The following CCND2 variants were observed in gnomAD, a reference collection of about 807,000 sequenced individuals.
CCND2 encodes the protein cyclin D2, also known as G1/S-specific cyclin-D2.
A neutral mutation model predicts 30.2 loss-of-function variants in CCND2; 6 were observed. The observed-to-expected ratio is 0.20, with a 90% CI of 0.11 to 0.39. CCND2 has a LOEUF of 0.39. Ranked by LOEUF, CCND2 falls within the 10% of genes least tolerant of loss-of-function variation. The pLI, the probability that CCND2 is intolerant of heterozygous loss-of-function variation, is 1.00. For missense variants in CCND2, 235 were observed against 373.4 expected, an observed-to-expected ratio of 0.63 and a Z score of 3.06; for synonymous variants, 150 against 153.1, an observed-to-expected ratio of 0.98 and a Z score of 0.15.
Position 4,282,902 on chromosome 12 carries a change from G to C in CCND2, c.571+3983G>C, listed in dbSNP as rs1273517430. Among the ~76,000 whole-genome samples the C allele has an allele frequency of 6.6e-6, 1 of 152,200 alleles. No homozygotes were observed. The highest frequency in any genetic ancestry group is 2.4e-5 in the African/African-American group (1 of 41,446). On this transcript the variant is annotated intron_variant, in intron 3 of 4. Coordinates refer to ENST00000261254, the MANE Select transcript of CCND2 (RefSeq NM_001759.4). This position sits in a 1 kb window ranked among gnomAD's most constrained non-coding sequence, Gnocchi z 4.3. ...GTGAACACTCTGGTTCTGGCCCTTT[G>C]AACTTCCACCTGACTGCAGGTTGGA...
Position 4,287,954 on chromosome 12 carries a change from T to C in CCND2, c.572-888T>C, listed in dbSNP as rs1158934210. Among the ~76,000 whole-genome samples the C allele has an allele frequency of 6.6e-6, 1 of 152,248 alleles. No homozygotes were observed. The highest frequency in any genetic ancestry group is 1.5e-5 in the Non-Finnish European group (1 of 68,040). The stretch of plus-strand genomic sequence containing the variant: ...AAGCCCCTCTGATTTATTATCCTCA[T>C]TCTGCACTTCCCTGTAGCAAGTCAC... On this transcript the variant is annotated intron_variant, in intron 3 of 4. Coordinates refer to ENST00000261254, the MANE Select transcript of CCND2 (RefSeq NM_001759.4). The surrounding 1 kb of genome is among the most constrained non-coding windows in gnomAD (Gnocchi z 4.0).
In CCND2 at chr12:4,299,485, C is replaced by T. The variant is rs1416678992; in HGVS notation, c.721-375C>T. Among the ~76,000 whole-genome samples, 4 of 152,170 alleles carry T rather than the reference C, an allele frequency of 2.6e-5. No homozygotes were observed. In the East Asian group the frequency reaches 7.7e-4, roughly 29 times the overall value. ...CCTTTTCTCTGCCACTTCCCAGCTT[C>T]CCCAGGCAGAAAGCATCTGGTCGGC... On this transcript the variant is annotated intron_variant, in intron 4 of 4. Coordinates refer to ENST00000261254, the MANE Select transcript of CCND2 (RefSeq NM_001759.4). This position sits in a 1 kb window ranked among gnomAD's most constrained non-coding sequence, Gnocchi z 5.2.
Position 4,273,801 on chromosome 12 carries a change from T to G in CCND2, c.-240T>G. The G allele has an allele frequency of 1.7e-6, 1 of 581,170 alleles. No individual in the cohort carries two copies. Among genetic ancestry groups the G allele is most frequent in the Non-Finnish European group, 3.1e-6 (1 of 326,998 alleles). The allele number at this position is 581,170 out of a possible 1,614,324, so 36.0% of individuals were successfully genotyped here. On this transcript the variant is annotated 5_prime_UTR_variant, in exon 1 of 5. Transcript: ENST00000261254. This position sits in a 1 kb window ranked among gnomAD's most constrained non-coding sequence, Gnocchi z 5.9. ...CGAGCAGGGGAGAGCGAGACCAGTT[T>G]TAAGGGGAGGACCGGTGCGAGTGAG...
chr12:4,280,112 A>G (rs1591645303), intron 3 of CCND2, among the ~76,000 whole-genome samples: 2 of 152,126 alleles, frequency 1.3e-5, no homozygotes, highest in African/African-American at 2.4e-5. Context: ...GCCTATTGAT[A>G]CATCATCCTA....
chr12:4,296,660 T>C (rs1864173658), intron 4 of CCND2, among the ~76,000 whole-genome samples: 1 of 151,130 alleles, frequency 6.6e-6, no homozygotes, highest in African/African-American at 2.4e-5. Context: ...AGTCACTGCC[T>C]CTATGGTATG....
rs371866493 is a variant in CCND2 at position 4,274,290 on chromosome 12, C to T, written c.195+55C>T. The T allele has an allele frequency of 1.9e-4, 303 of 1,577,800 alleles. 1 individual carries two copies. The African/African-American group carries it at 3.4e-3, about 18-fold the overall frequency. On this transcript the variant is annotated intron_variant, in intron 1 of 4. Coordinates refer to ENST00000261254, the MANE Select transcript of CCND2 (RefSeq NM_001759.4). The surrounding 1 kb of genome is among the most constrained non-coding windows in gnomAD (Gnocchi z 7.7). The stretch of plus-strand genomic sequence containing the variant: ...CCAGGACCCCTCCGGATGCTCGGGT[C>T]CCCGGCCGGAGCCCTAAACCTGGGA...
chr12:4,284,065 C>A (rs1411279388), intron 3 of CCND2, among the ~76,000 whole-genome samples: 1 of 152,138 alleles, frequency 6.6e-6, no homozygotes, highest in African/African-American at 2.4e-5. Context: ...ATGCTGGGCG[C>A]CTTTCTCCTC....
chr12:4,299,188 T>C lies in CCND2; in HGVS notation c.721-672T>C, dbSNP rs1159676216. Among the ~76,000 whole-genome samples, 1 of 151,894 alleles carries C rather than the reference T, an allele frequency of 6.6e-6. No homozygotes were observed. Among genetic ancestry groups the C allele is most frequent in the African/African-American group, 2.4e-5 (1 of 41,338 alleles). ...CAGCCTGGCCAATATGGTGAAACCC[T>C]GTCTGTACTAAAAATACAAAAATTA... On this transcript the variant is annotated intron_variant, in intron 4 of 4. Coordinates refer to ENST00000261254, the MANE Select transcript of CCND2 (RefSeq NM_001759.4). This position sits in a 1 kb window ranked among gnomAD's most constrained non-coding sequence, Gnocchi z 5.2.
At chr12:4,279,019 A>G in intron 3 of CCND2, 100 bp downstream of exon 3, 1 of 1,218,096 alleles carries the variant, frequency 8.2e-7, no homozygotes, top group Admixed American at 2.4e-5. Flanking sequence ...TTAGTTCAGG[A>G]GTTTGGAGGA....
rs1864243601 is a variant in CCND2 at position 4,301,145 on chromosome 12, G to GTGT, written c.*1136_*1137insTGT. On this transcript the variant is annotated 3_prime_UTR_variant, in exon 5 of 5. Transcript: ENST00000261254. ...GTACACAGTTCTGGTGTTCCTACCA[G>GTGT]GACTCAAGAGACACCCCTTCCTGCT... 8.6e-6 allele frequency: 2 copies of GTGT among 233,310 alleles called. No homozygotes were observed. Among genetic ancestry groups the GTGT allele is most frequent in the Non-Finnish European group, 1.7e-5 (2 of 118,014 alleles). The allele number at this position is 233,310 out of a possible 1,614,324, so 14.5% of individuals were successfully genotyped here. A position where few individuals can be genotyped will look rare whatever the true frequency, so the allele number is the denominator to read the frequency against.
Position 4,276,364 on chromosome 12 carries a change from A to C in CCND2, c.411+144A>C. On this transcript the variant is annotated intron_variant, in intron 2 of 4. Coordinates refer to ENST00000261254, the MANE Select transcript of CCND2 (RefSeq NM_001759.4). The surrounding 1 kb of genome is among the most constrained non-coding windows in gnomAD (Gnocchi z 4.8). ...TAGAATTTACCCACTTATGGGCGAT[A>C]GCTCATTTAATAGGAAACCACTGTT... is the stretch of plus-strand genomic sequence containing the variant. The C allele has an allele frequency of 1.5e-6, 1 of 660,014 alleles. No individual in the cohort carries two copies. Among genetic ancestry groups the C allele is most frequent in the Non-Finnish European group, 2.6e-6 (1 of 388,764 alleles). The allele number at this position is 660,014 out of a possible 1,614,324, so 40.9% of individuals were successfully genotyped here.
chr12:4,274,082 C>T lies in CCND2; in HGVS notation c.42C>T (p.Ala14=). ...LCHEVDPVRR[A]VRDRNLLRDD... ...ACGAGGTGGACCCGGTCCGCAGGGC[C>T]GTGCGGGACCGCAACCTGCTCCGAG... The change falls in exon 1 of 5, where the codon GCC becomes GCT. Residue 14 remains alanine, a synonymous_variant. Transcript: ENST00000261254. The surrounding 1 kb of genome is among the most constrained non-coding windows in gnomAD (Gnocchi z 7.7). The T allele has an allele frequency of 1.2e-6, 2 of 1,613,430 alleles. No individual in the cohort carries two copies. The highest frequency in any genetic ancestry group is 1.7e-6 in the Non-Finnish European group (2 of 1,179,816).
intron 1 of CCND2, 79 bp from the exon 2 acceptor site, chr12:4,275,926 G>T: frequency 2.2e-6 from 2 of 896,234 alleles, no homozygotes; most frequent in South Asian, 2.0e-5. Context: ...GATAGATTAC[G>T]CTTTTTTATT....
rs748346553 is a variant in CCND2 at position 4,276,247 on chromosome 12, CT to C, written c.411+30del. On this transcript the variant is annotated intron_variant, in intron 2 of 4. Transcript: ENST00000261254. The surrounding 1 kb of genome is among the most constrained non-coding windows in gnomAD (Gnocchi z 4.8). ...TAATGACCGGCCCCTTCCTCCCTTC[CT>C]TTCTGCGATTCCCGCTTTCCCCTGG... 3.5e-5 allele frequency: 56 copies of C among 1,591,424 alleles called. No individual in the cohort carries two copies. The highest frequency in any genetic ancestry group is 4.2e-5 in the Non-Finnish European group (49 of 1,161,938).
At position 4,299,383 on chromosome 12, in the gene CCND2, C is replaced by T. The variant is rs773662453; in HGVS notation, c.721-477C>T. On this transcript the variant is annotated intron_variant, in intron 4 of 4. Coordinates refer to ENST00000261254, the MANE Select transcript of CCND2 (RefSeq NM_001759.4). The surrounding 1 kb of genome is among the most constrained non-coding windows in gnomAD (Gnocchi z 5.2). Reference sequence around the variant, plus strand: ...TTTACAGTTTATGTGAGGGTCAGTACGTTGGTTCATTGGCTTCCTTCTTAT... The same window carrying T: ...TTTACAGTTTATGTGAGGGTCAGTATGTTGGTTCATTGGCTTCCTTCTTAT... Among the ~76,000 whole-genome samples, 13 of 152,114 alleles carry T rather than the reference C, an allele frequency of 8.5e-5. No homozygotes were observed. Among genetic ancestry groups the T allele is most frequent in the Non-Finnish European group, 1.3e-4 (9 of 68,006 alleles).
intron 4 of CCND2, among the ~76,000 whole-genome samples, chr12:4,289,613 A>G (rs948872983): frequency 1.3e-5 from 2 of 152,230 alleles, no homozygotes; most frequent in South Asian, 2.1e-4. Context: ...TGCCCTGTGG[A>G]CGGCCCAGAG....
intron 3 of CCND2, among the ~76,000 whole-genome samples, chr12:4,280,842 C>T (rs1207225407): frequency 2.0e-5 from 3 of 152,248 alleles, no homozygotes; most frequent in African/African-American, 4.8e-5. Flanking sequence ...CCTTCCTCCT[C>T]TCTGATCTCT....
At position 4,303,260 on chromosome 12, in the gene CCND2, A is replaced by G. The variant is rs1041537775; in HGVS notation, c.*3251A>G. ...GATGGGTGTGGGGCTGCCGATGGGA[A>G]AGTCGGGGGTTGTTAGGCTTTTCTG... On this transcript the variant is annotated 3_prime_UTR_variant, in exon 5 of 5. Coordinates refer to ENST00000261254, the MANE Select transcript of CCND2 (RefSeq NM_001759.4). The surrounding 1 kb of genome is among the most constrained non-coding windows in gnomAD (Gnocchi z 4.6). The G allele has an allele frequency of 8.6e-6, 2 of 233,134 alleles. No individual in the cohort carries two copies. Among genetic ancestry groups the G allele is most frequent in the Non-Finnish European group, 1.7e-5 (2 of 118,102 alleles). The allele number at this position is 233,134 out of a possible 1,614,324, so 14.4% of individuals were successfully genotyped here.
chr12:4,281,448 G>A (rs538660080), intron 3 of CCND2, among the ~76,000 whole-genome samples: 8 of 152,276 alleles, frequency 5.3e-5, no homozygotes, highest in African/African-American at 1.4e-4. Flanking sequence ...GGCCAGTAGC[G>A]GGCACAGAGT....
Sources: gnomAD v4.1 joint callset for allele counts (sites outside exome capture counted in the v4.1 genomes callset) on GRCh38, gnomAD v4.1.1 for gene constraint, Gnocchi (gnomAD v3.1) non-coding constraint, MANE v1.5 for transcripts, NCBI Gene and HGNC (gene_info 2026-07-23, HGNC 2026-07-21) for gene names.